The following TTC29 variants were observed in gnomAD, a reference collection of about 807,000 sequenced individuals.
TTC29 encodes tetratricopeptide repeat domain 29, also known as tetratricopeptide repeat protein 29.
In TTC29, 49 loss-of-function variants were observed where a neutral mutation model predicts 58.1. That is an observed-to-expected ratio of 0.84 (90% CI 0.67 to 1.07). The LOEUF (loss-of-function observed/expected upper bound fraction) is 1.07, where lower values mean the gene tolerates loss of function less well. Among genes scored for constraint, TTC29 ranks in the 50% least tolerant of loss-of-function variants. The pLI is 0.00. For missense variants in TTC29, 582 were observed against 555.6 expected, an observed-to-expected ratio of 1.05 and a Z score of -0.48; for synonymous variants, 209 against 196.8, an observed-to-expected ratio of 1.06 and a Z score of -0.52.
intron 11 of TTC29, among the ~76,000 whole-genome samples, chr4:146,780,302 G>GGGGTGTGTGTGT (rs373330447): frequency 7.2e-6 from 1 of 138,456 alleles, no homozygotes; most frequent in Admixed American, 7.2e-5. Context: ...CCTAACTTGG[G>GGGGTGTGTGTGT]GTGTGTGTGT....
intron 4 of TTC29, among the ~76,000 whole-genome samples, chr4:146,917,612 A>ATAATATCTAATTAGATATTATCTACATT (rs1229139204): frequency 1.4e-5 from 2 of 144,386 alleles, no homozygotes; most frequent in Admixed American, 7.0e-5. Flanking sequence ...TATTATTTAT[A>ATAATATCTAATTAGATATTATCTACATT]ATATATAATT....
intron 7 of TTC29, among the ~76,000 whole-genome samples, chr4:146,870,232 T>C (rs1228228258): frequency 6.6e-6 from 1 of 151,956 alleles, no homozygotes; most frequent in Non-Finnish European, 1.5e-5. Context: ...TGCACGTATG[T>C]GGAAATTAAA....
chr4:146,707,229 C>T, intron 12 of TTC29, 41 bp from the exon 13 acceptor site: 2 of 1,303,562 alleles, frequency 1.5e-6, no homozygotes, highest in South Asian at 1.5e-5. Context: ...TTATACTGGG[C>T]TAGAAAGCAA....
At chr4:146,935,640 G>A (rs750855686) in intron 4 of TTC29, among the ~76,000 whole-genome samples, 5 of 152,054 alleles carry the variant, frequency 3.3e-5, no homozygotes, top group South Asian at 2.1e-4. Context: ...GCCGGCACTC[G>A]ATCATTTCAT....
chr4:146,812,420 C>T (rs1443466519), intron 10 of TTC29, among the ~76,000 whole-genome samples: 1 of 152,110 alleles, frequency 6.6e-6, no homozygotes, highest in Non-Finnish European at 1.5e-5. Context: ...ATTCATTTGG[C>T]AACCACGCTG....
intron 8 of TTC29, among the ~76,000 whole-genome samples, chr4:146,866,898 T>C (rs1375005802): frequency 6.6e-6 from 1 of 152,158 alleles, no homozygotes; most frequent in African/African-American, 2.4e-5. Flanking sequence ...TGACTTCAGT[T>C]ATAATTCAGG....
chr4:146,732,525 G>T (rs144640880), intron 11 of TTC29, among the ~76,000 whole-genome samples: 1 of 152,130 alleles, frequency 6.6e-6, no homozygotes, highest in African/African-American at 2.4e-5. Flanking sequence ...AGAATGGGAT[G>T]CTTAAAATTG....
At chr4:146,918,111 G>A (rs28712108) in intron 4 of TTC29, among the ~76,000 whole-genome samples, 2,149 of 150,940 alleles carry the variant, frequency 0.014, 41 homozygotes, top group African/African-American at 0.049. Context: ...AACTTTAGAC[G>A]AAACTGTTAC....
intron 6 of TTC29, among the ~76,000 whole-genome samples, chr4:146,875,713 G>A (rs1731212181): frequency 6.6e-6 from 1 of 152,056 alleles, no homozygotes; most frequent in South Asian, 2.1e-4. Context: ...TTTCCAATGA[G>A]GTTTTTGTAT....
intron 4 of TTC29, among the ~76,000 whole-genome samples, chr4:146,926,574 T>C (rs922127365): frequency 1.3e-5 from 2 of 152,080 alleles, no homozygotes; most frequent in African/African-American, 2.4e-5. Context: ...GCAATTCTCC[T>C]GCCTCAGCCT....
chr4:146,755,714 CA>C (rs1746390582), intron 11 of TTC29, among the ~76,000 whole-genome samples: 1 of 151,818 alleles, frequency 6.6e-6, no homozygotes, highest in Non-Finnish European at 1.5e-5. Flanking sequence ...ATATATCCCA[CA>C]ATATTATGTT....
rs1334021950 is a variant in TTC29, at chr4:146,930,118, T to TATATATATATAC, written c.176+7475_176+7476insGTATATATATAT. ...ATATATATATATATATATATATATA[T>TATATATATATAC]ACACACATATATATCTTGATAAGTT... On this transcript the variant is annotated intron_variant, in intron 4 of 12. Transcript: ENST00000325106. Among the ~76,000 whole-genome samples the TATATATATATAC allele has an allele frequency of 6.0e-3, 768 of 128,524 alleles. 3 individuals are homozygous for TATATATATATAC. The highest frequency in any genetic ancestry group is 9.9e-3 in the South Asian group (37 of 3,744). 84.3% of individuals were successfully genotyped at this position (128,524 alleles called of 152,430 possible). A position where few individuals can be genotyped will look rare whatever the true frequency, so the allele number is the denominator to read the frequency against.
chr4:146,829,310 T>G (rs1029709401), intron 9 of TTC29, among the ~76,000 whole-genome samples: 1 of 152,214 alleles, frequency 6.6e-6, no homozygotes, highest in African/African-American at 2.4e-5. Flanking sequence ...GCCTACTGTT[T>G]GCAGTAGAAG....
chr4:146,901,732 G>A (rs1733160966), intron 6 of TTC29, among the ~76,000 whole-genome samples: 1 of 152,150 alleles, frequency 6.6e-6, no homozygotes, highest in South Asian at 2.1e-4. Context: ...CCTTATAATA[G>A]ATAAGCACCT....
At chr4:146,764,899 A>G (rs1747183616) in intron 11 of TTC29, among the ~76,000 whole-genome samples, 1 of 150,916 alleles carries the variant, frequency 6.6e-6, no homozygotes, top group Non-Finnish European at 1.5e-5. Flanking sequence ...CTGCGAAGAG[A>G]GTTTGTCTCT....
chr4:146,756,707 A>G (rs544544517), intron 11 of TTC29, among the ~76,000 whole-genome samples: 2 of 151,558 alleles, frequency 1.3e-5, no homozygotes, highest in East Asian at 3.9e-4. Context: ...GACTTCTTGG[A>G]GTCTTTGTTC....
chr4:146,842,160 C>T (rs145961841), intron 8 of TTC29, among the ~76,000 whole-genome samples: 239 of 152,196 alleles, frequency 1.6e-3, no homozygotes, highest in Non-Finnish European at 2.8e-3. Flanking sequence ...AACCATTATG[C>T]AGCTCAAAAT....
At chr4:146,899,969 C>G (rs1403155069) in intron 6 of TTC29, among the ~76,000 whole-genome samples, 3 of 152,216 alleles carry the variant, frequency 2.0e-5, no homozygotes, top group Non-Finnish European at 2.9e-5. Flanking sequence ...ATTCGCTTGT[C>G]TGGACCAATC....
chr4:146,792,138 T>G (rs1749504120), intron 11 of TTC29, among the ~76,000 whole-genome samples: 1 of 152,208 alleles, frequency 6.6e-6, no homozygotes, highest in African/African-American at 2.4e-5. Flanking sequence ...ACGACGTATT[T>G]TCAATGCAGA....
Sources: allele counts gnomAD v4.1 joint callset (sites outside exome capture counted in the v4.1 genomes callset), GRCh38; gene constraint gnomAD v4.1.1; transcripts MANE v1.5; gene names NCBI Gene and HGNC (gene_info 2026-07-23, HGNC 2026-07-21).